SORT1: variants seen among roughly 807,000 people sequenced by gnomAD.
SORT1 encodes the protein sortilin 1.
In SORT1, 39 loss-of-function variants were observed where a neutral mutation model predicts 101.7. That is an observed-to-expected ratio of 0.38 (90% CI 0.30 to 0.50). SORT1 has a LOEUF of 0.50. SORT1 is among the 20% of genes least tolerant of loss of function. The pLI, the probability that SORT1 is intolerant of heterozygous loss-of-function variation, is 0.90. For synonymous variants in SORT1, 396 were observed against 393.7 expected (o/e 1.01, Z -0.07); for missense variants, 878 against 1,040.4 (o/e 0.84, Z 2.15).
At chr1:109,357,334 C>T (rs1193732657) in intron 3 of SORT1, among the ~76,000 whole-genome samples, 1 of 152,206 alleles carries the variant, frequency 6.6e-6, no homozygotes, top group African/African-American at 2.4e-5. Context: ...CTTGAATGTA[C>T]ATGATGTAAA....
At chr1:109,351,244 T>C (rs1649938819) in intron 5 of SORT1, among the ~76,000 whole-genome samples, 1 of 152,208 alleles carries the variant, frequency 6.6e-6, no homozygotes, top group African/African-American at 2.4e-5. Context: ...TACCAGATGT[T>C]GCACTGGGGA....
Position 109,340,814 on chromosome 1 carries a change from G to C in SORT1, c.1174C>G (p.Arg392Gly), listed in dbSNP as rs1049497780. Reference sequence around the variant, plus strand: ...CCGCCTGTGGTAGTGTAGAGATGTCGGTCCAAAGACTTGGAATAGACAATG... The same window carrying C: ...CCGCCTGTGGTAGTGTAGAGATGTCCGTCCAAAGACTTGGAATAGACAATG... ...RGIVYSKSLD[R>G]HLYTTTGGET... The change falls in exon 10 of 20, where the codon CGA (arginine) becomes GGA (glycine). Residue 392 changes from arginine (R) to glycine (G), a missense_variant. Arg to Gly is a moderately radical substitution (Grantham distance 125). Transcript: ENST00000256637. 6 of 1,613,732 alleles carry C rather than the reference G, an allele frequency of 3.7e-6. No individual in the cohort carries two copies. The highest frequency in any genetic ancestry group is 4.2e-6 in the Non-Finnish European group (5 of 1,179,840).
chr1:109,378,761 T>A lies in SORT1; in HGVS notation c.307-9172A>T, dbSNP rs868716059. 1.7e-3 allele frequency among the ~76,000 whole-genome samples: 158 copies of A among 91,136 alleles called. 2 individuals are homozygous for A. The highest frequency in any genetic ancestry group is 6.4e-3 in the African/African-American group (144 of 22,402). 59.8% of individuals were successfully genotyped at this position (91,136 alleles called of 152,430 possible). A position where few individuals can be genotyped will look rare whatever the true frequency, so the allele number is the denominator to read the frequency against. On this transcript the variant is annotated intron_variant, in intron 1 of 19. Transcript: ENST00000256637. Reference sequence around the variant, plus strand: ...ATATATATATATATATATATATATATAAAGATGTTATGTGTTAGTTGTATA... The same window carrying A: ...ATATATATATATATATATATATATAAAAAGATGTTATGTGTTAGTTGTATA...
chr1:109,367,422 G>T lies in SORT1; in HGVS notation c.426C>A (p.Ser142=). The T allele has an allele frequency of 6.3e-7, 1 of 1,596,310 alleles. No individual in the cohort carries two copies. The highest frequency in any genetic ancestry group is 8.6e-7 in the Non-Finnish European group (1 of 1,164,200). Residue 142 remains serine (S), a synonymous_variant, in exon 3 of 20, where the codon TCC becomes TCA. Transcript: ENST00000256637. ...VPLVIMTFGQ[S]KLYRSEDYGK... ...ATTGATCTCACCTTCGATATAGCTT[G>T]GACTGTCCAAAAGTCATAATTACCA... is the stretch of plus-strand genomic sequence containing the variant.
At chr1:109,394,271 C>A (rs144069137) in intron 1 of SORT1, among the ~76,000 whole-genome samples, 3 of 151,950 alleles carry the variant, frequency 2.0e-5, no homozygotes, top group Non-Finnish European at 4.4e-5. Context: ...AATACTGTAA[C>A]TAGAAAGGAA....
intron 8 of SORT1, among the ~76,000 whole-genome samples, chr1:109,343,838 A>T (rs1649400278): frequency 6.6e-6 from 1 of 152,090 alleles, no homozygotes; most frequent in Non-Finnish European, 1.5e-5. Flanking sequence ...TTTAGTAGAG[A>T]CAGGGTTTCG....
intron 11 of SORT1, among the ~76,000 whole-genome samples, chr1:109,334,629 T>C (rs1034712113): frequency 6.6e-5 from 10 of 152,338 alleles, no homozygotes; most frequent in Admixed American, 2.6e-4. Flanking sequence ...TCTAGAATAC[T>C]GTATTGTTAC....
At chr1:109,327,751 T>C (rs966476146) in intron 11 of SORT1, 150 bp from the exon 12 acceptor site, 12 of 449,902 alleles carry the variant, frequency 2.7e-5, no homozygotes, top group African/African-American at 2.2e-4. Context: ...TTTAGGTGTA[T>C]AGTTCAGTAG....
chr1:109,324,295 AC>A, intron 14 of SORT1, among the ~76,000 whole-genome samples: 1 of 151,960 alleles, frequency 6.6e-6, no homozygotes, highest in Non-Finnish European at 1.5e-5. Flanking sequence ...CCGCCACCTT[AC>A]CTGGCTAATT....
chr1:109,340,040 T>C (rs1649104500), intron 10 of SORT1, among the ~76,000 whole-genome samples: 1 of 150,050 alleles, frequency 6.7e-6, no homozygotes, highest in South Asian at 2.1e-4. Context: ...ACCCAGCTAC[T>C]CAGGAGGCTG....
intron 1 of SORT1, among the ~76,000 whole-genome samples, chr1:109,370,413 T>C (rs768029883): frequency 6.6e-6 from 1 of 152,112 alleles, no homozygotes; most frequent in Admixed American, 6.5e-5. Flanking sequence ...GTTAATATTA[T>C]ATGTATTAAT....
At chr1:109,348,877 G>A (rs898037958) in intron 6 of SORT1, among the ~76,000 whole-genome samples, 3 of 152,074 alleles carry the variant, frequency 2.0e-5, no homozygotes, top group Admixed American at 6.5e-5. Context: ...GCTGAAGTGC[G>A]AGGATCACTT....
Position 109,351,028 on chromosome 1 carries a change from A to G in SORT1, c.709-26T>C, listed in dbSNP as rs550405567. ...CTGAAAGATTATAAATGACTTATCA[A>G]AATTCTAGCTTTATCCTGTGTAGTT... On this transcript the variant is annotated intron_variant, in intron 5 of 19. Coordinates refer to ENST00000256637, the MANE Select transcript of SORT1 (RefSeq NM_002959.7). 8.8e-6 allele frequency: 13 copies of G among 1,469,532 alleles called. No homozygotes were observed. The African/African-American group carries it at 1.7e-4, about 19-fold the overall frequency. The allele number at this position is 1,469,532 out of a possible 1,614,324, so 91.0% of individuals were successfully genotyped here.
At chr1:109,350,883 A>G (rs1649913169) in intron 6 of SORT1, 46 bp downstream of exon 6, 1 of 1,262,570 alleles carries the variant, frequency 7.9e-7, no homozygotes, top group African/African-American at 1.5e-5. Flanking sequence ...CAGCGCTATC[A>G]GGAAGGGTTT....
chr1:109,351,110 C>G, intron 5 of SORT1, 108 bp from the exon 6 acceptor site: 2 of 817,170 alleles, frequency 2.4e-6, no homozygotes, highest in Admixed American at 3.6e-5. Context: ...AAAACACATA[C>G]TGAAGCTCCA....
chr1:109,378,730 ATATATATATATAT>A (rs1652024735), intron 1 of SORT1, among the ~76,000 whole-genome samples: 1 of 98,864 alleles, frequency 1.0e-5, no homozygotes, highest in Non-Finnish European at 2.0e-5. Flanking sequence ...ATATATATAT[ATATATATATATAT>A]ATATATATAT....
chr1:109,361,454 T>C (rs987691966), intron 3 of SORT1, among the ~76,000 whole-genome samples: 4 of 152,220 alleles, frequency 2.6e-5, no homozygotes, highest in African/African-American at 9.6e-5. Flanking sequence ...TTCTCTAAGA[T>C]GGAATTTTTC....
At chr1:109,358,852 T>TAAAAAAAAA (rs745825760) in intron 3 of SORT1, among the ~76,000 whole-genome samples, 1 of 130,704 alleles carries the variant, frequency 7.7e-6, no homozygotes. Flanking sequence ...GACTCCGTCT[T>TAAAAAAAAA]AAAAAAAAAA....
intron 5 of SORT1, among the ~76,000 whole-genome samples, chr1:109,352,720 T>A (rs577463736): frequency 3.2e-4 from 48 of 152,356 alleles, no homozygotes; most frequent in African/African-American, 1.1e-3. Context: ...ATTTGCACTT[T>A]AGTACAAATT....
Sources: allele counts gnomAD v4.1 joint callset (sites outside exome capture counted in the v4.1 genomes callset), GRCh38; gene constraint gnomAD v4.1.1; transcripts MANE v1.5; gene names NCBI Gene and HGNC (gene_info 2026-07-23, HGNC 2026-07-21).